Variants in SLC6A15 observed in about 807,000 individuals in gnomAD.
SLC6A15 encodes the protein sodium-dependent neutral amino acid transporter B(0)AT2.
In SLC6A15, 33 loss-of-function variants were observed where a neutral mutation model predicts 68.5. The observed-to-expected ratio is 0.48, with a 90% confidence interval of 0.37 to 0.64. The LOEUF (loss-of-function observed/expected upper bound fraction) is 0.64, where lower values mean the gene tolerates loss of function less well. Ranked by LOEUF, SLC6A15 falls within the 30% of genes least tolerant of loss-of-function variation. The pLI, the probability that SLC6A15 is intolerant of heterozygous loss-of-function variation, is 0.00. For missense variants in SLC6A15, 747 were observed against 874.3 expected (o/e 0.85, Z 1.84); for synonymous variants, 347 against 301.0 (o/e 1.15, Z -1.58).
At chr12:84,908,601 C>CATATATATATATATATATATAT (rs3084056) in intron 1 of SLC6A15, among the ~76,000 whole-genome samples, 8 of 140,498 alleles carry the variant, frequency 5.7e-5, no homozygotes, top group African/African-American at 2.1e-4. Context: ...AGTAAAGAAA[C>CATATATATATATATATATATAT]ATATATATAT....
In SLC6A15 at chr12:84,861,967, C is replaced by A. The variant is rs1165319465; in HGVS notation, c.1858G>T (p.Val620Phe). ...AAGACAACCAGAGAGACACAAACAA[C>A]CAGTCCCCATGTTGGATAGCTCAGA... ...EFLSYPTWGLVVCVSLVVFAI... is the reference protein window; with the variant it reads ...EFLSYPTWGLFVCVSLVVFAI... The change falls in exon 12 of 12, where the codon GTT becomes TTT. Residue 620 changes from valine to phenylalanine, a missense_variant. Coordinates refer to ENST00000266682, the MANE Select transcript of SLC6A15 (RefSeq NM_182767.6). 4 of 1,612,064 alleles carry A rather than the reference C, an allele frequency of 2.5e-6. No homozygotes were observed. The African/African-American group carries it at 4.0e-5, about 16-fold the overall frequency.
chr12:84,880,463 A>T (rs1408718358), intron 5 of SLC6A15, among the ~76,000 whole-genome samples: 2 of 152,118 alleles, frequency 1.3e-5, no homozygotes, highest in Admixed American at 1.3e-4. Context: ...TTATTTTATA[A>T]ATTTGTTTAT....
At chr12:84,866,365 T>C (rs994743918) in intron 10 of SLC6A15, among the ~76,000 whole-genome samples, 5 of 152,154 alleles carry the variant, frequency 3.3e-5, no homozygotes, top group Non-Finnish European at 7.4e-5. Context: ...GTGAAAAGTA[T>C]GTGTATTTGA....
chr12:84,902,520 A>T (rs755975042), intron 1 of SLC6A15, among the ~76,000 whole-genome samples: 11 of 116,912 alleles, frequency 9.4e-5, no homozygotes, highest in Non-Finnish European at 1.5e-4. Flanking sequence ...ACAGAAAAAT[A>T]AAAAAAAACT....
intron 2 of SLC6A15, among the ~76,000 whole-genome samples, chr12:84,887,166 A>G (rs1047645022): frequency 4.6e-5 from 7 of 152,224 alleles, no homozygotes; most frequent in African/African-American, 1.7e-4. Context: ...GTTTTGTCCA[A>G]CTAGATACTG....
chr12:84,879,152 T>C (rs1383800765), intron 5 of SLC6A15, among the ~76,000 whole-genome samples: 8 of 151,870 alleles, frequency 5.3e-5, no homozygotes, highest in Admixed American at 5.2e-4. Context: ...CACACAGAAA[T>C]ACTCAGCAGT....
intron 1 of SLC6A15, among the ~76,000 whole-genome samples, chr12:84,902,620 G>C (rs1332953984): frequency 1.3e-5 from 2 of 151,942 alleles, no homozygotes; most frequent in Non-Finnish European, 2.9e-5. Context: ...ATGGGTGAAT[G>C]GTTAAACTGT....
intron 5 of SLC6A15, chr12:84,881,546 A>C: frequency 3.0e-6 from 3 of 985,388 alleles, no homozygotes; most frequent in Non-Finnish European, 3.6e-6. Context: ...CCAAAGGACA[A>C]TGTCCCTATC....
rs779889906 is a variant in SLC6A15 at position 84,867,125 on chromosome 12, T to A, written c.1564A>T (p.Thr522Ser). ...FVQRSGNYFV[T>S]MFDDYSATLP... is the part of the protein sequence containing the mutation. ...GTAGCAGAATAATCATCAAACATTG[T>A]AACAAAGTAATTTCCAGAGCGTTGC... Residue 522 changes from threonine to serine, a missense_variant, in exon 10 of 12, where the codon ACA becomes TCA. Physicochemically the swap from Thr to Ser is moderately conservative, Grantham distance 58. Coordinates refer to ENST00000266682, the MANE Select transcript of SLC6A15 (RefSeq NM_182767.6). 2 of 1,612,676 alleles carry A rather than the reference T, an allele frequency of 1.2e-6. No individual in the cohort carries two copies. The highest frequency in any genetic ancestry group is 1.7e-6 in the Non-Finnish European group (2 of 1,179,372).
intron 1 of SLC6A15, among the ~76,000 whole-genome samples, chr12:84,907,205 G>A (rs111975148): frequency 2.0e-5 from 3 of 152,016 alleles, no homozygotes; most frequent in African/African-American, 4.8e-5. Context: ...AAAATTAGCC[G>A]GGCGTGGTGG....
chr12:84,899,428 G>T (rs1011481361), intron 1 of SLC6A15, among the ~76,000 whole-genome samples: 1 of 152,158 alleles, frequency 6.6e-6, no homozygotes, highest in Non-Finnish European at 1.5e-5. Flanking sequence ...AAAAAAGTAG[G>T]CATGTCATCC....
chr12:84,866,162 T>G (rs1304856792), intron 10 of SLC6A15, among the ~76,000 whole-genome samples: 1 of 152,222 alleles, frequency 6.6e-6, no homozygotes, highest in African/African-American at 2.4e-5. Flanking sequence ...TTAAGGTGCA[T>G]GCATTACTAC....
At chr12:84,910,929 G>A (rs1214035312) in intron 1 of SLC6A15, among the ~76,000 whole-genome samples, 3 of 65,540 alleles carry the variant, frequency 4.6e-5, no homozygotes, top group Non-Finnish European at 8.4e-5. Context: ...CCCTCTTTCC[G>A]TGTGTGTGTG....
At chr12:84,902,811 TAAAC>T (rs1347174660) in intron 1 of SLC6A15, among the ~76,000 whole-genome samples, 2 of 152,060 alleles carry the variant, frequency 1.3e-5, no homozygotes, top group Non-Finnish European at 2.9e-5. Flanking sequence ...ATTATAGAAA[TAAAC>T]AACATATTCA....
chr12:84,862,589 CTTTTA>C (rs1870899609), intron 11 of SLC6A15, among the ~76,000 whole-genome samples: 1 of 151,996 alleles, frequency 6.6e-6, no homozygotes, highest in African/African-American at 2.4e-5. Flanking sequence ...AAAATAAGCA[CTTTTA>C]TTTTATAACA....
intron 5 of SLC6A15, chr12:84,882,632 G>A (rs1369118084): frequency 4.2e-6 from 1 of 236,758 alleles, no homozygotes; most frequent in Non-Finnish European, 6.9e-6. Flanking sequence ...AAAGAACATG[G>A]GCTCTAGATT....
intron 5 of SLC6A15, among the ~76,000 whole-genome samples, chr12:84,878,212 A>T (rs150485393): frequency 6.6e-6 from 1 of 152,306 alleles, no homozygotes; most frequent in East Asian, 1.9e-4. Flanking sequence ...AATAAATTAT[A>T]TTTTAACTTA....
chr12:84,862,133 G>C, intron 11 of SLC6A15, 127 bp from the exon 12 acceptor site: 1 of 917,766 alleles, frequency 1.1e-6, no homozygotes, highest in Non-Finnish European at 1.6e-6. Context: ...TTGACCAATA[G>C]AAAGCAGTAG....
At chr12:84,891,476 T>C (rs1202104177) in intron 2 of SLC6A15, among the ~76,000 whole-genome samples, 2 of 152,176 alleles carry the variant, frequency 1.3e-5, no homozygotes, top group East Asian at 3.9e-4. Context: ...TTCACCAGTA[T>C]TGTCATATAT....
Sources: gnomAD v4.1 joint callset for allele counts (sites outside exome capture counted in the v4.1 genomes callset) on GRCh38, gnomAD v4.1.1 for gene constraint, MANE v1.5 for transcripts, NCBI Gene and HGNC (gene_info 2026-07-23, HGNC 2026-07-21) for gene names.